KCNN2: variants seen among roughly 807,000 people sequenced by gnomAD.
KCNN2 encodes potassium calcium-activated channel subfamily N member 2.
A neutral mutation model predicts 55.5 loss-of-function variants in KCNN2; 24 were observed. The observed-to-expected ratio is 0.43, with a 90% CI of 0.31 to 0.61. KCNN2 has a LOEUF of 0.61. Among genes scored for constraint, KCNN2 ranks in the 20% least tolerant of loss-of-function variants. KCNN2 has a pLI of 0.08. For missense variants in KCNN2, 754 were observed against 853.6 expected, an observed-to-expected ratio of 0.88 and a Z score of 1.45; for synonymous variants, 431 against 336.1, an observed-to-expected ratio of 1.28 and a Z score of -3.09.
At chr5:114,309,320 A>T (rs1349389286) in intron 2 of KCNN2, among the ~76,000 whole-genome samples, 2 of 152,194 alleles carry the variant, frequency 1.3e-5, no homozygotes, top group African/African-American at 4.8e-5. Context: ...TATCAAGGCC[A>T]ATTCCAGCAT....
At chr5:114,101,596 C>G (rs533302257) in intron 1 of KCNN2, among the ~76,000 whole-genome samples, 2 of 151,818 alleles carry the variant, frequency 1.3e-5, no homozygotes, top group Admixed American at 6.6e-5. Context: ...ACCCCCACCC[C>G]CTAACAGGTC....
intron 1 of KCNN2, among the ~76,000 whole-genome samples, chr5:114,157,849 G>T (rs1325168404): frequency 3.2e-4 from 48 of 150,066 alleles, no homozygotes; most frequent in East Asian, 1.6e-3. Flanking sequence ...TTTTTGATGG[G>T]GTTTTTTTTT....
chr5:114,165,799 T>C (rs980461159), intron 1 of KCNN2, among the ~76,000 whole-genome samples: 9 of 152,166 alleles, frequency 5.9e-5, no homozygotes, highest in Non-Finnish European at 1.2e-4. Context: ...TTTATGGCAT[T>C]GGTACGCCTT....
chr5:114,386,423 A>C (rs1758289857), intron 2 of KCNN2, among the ~76,000 whole-genome samples: 1 of 152,134 alleles, frequency 6.6e-6, no homozygotes, highest in Admixed American at 6.5e-5. Flanking sequence ...AATTTGATTG[A>C]GTTCTTATTT....
chr5:114,389,510 A>C (rs1758397057), intron 2 of KCNN2, among the ~76,000 whole-genome samples: 1 of 152,126 alleles, frequency 6.6e-6, no homozygotes, highest in Non-Finnish European at 1.5e-5. Context: ...CACCTTCTAG[A>C]ATTGCTTCAT....
At chr5:114,494,229 G>C (rs1396013819) in intron 7 of KCNN2, among the ~76,000 whole-genome samples, 1 of 147,928 alleles carries the variant, frequency 6.8e-6, no homozygotes, top group African/African-American at 2.5e-5. Flanking sequence ...TGCTTTGAAA[G>C]AGGCAACTCT....
chr5:114,159,960 G>C (rs1310909573), intron 1 of KCNN2, among the ~76,000 whole-genome samples: 5 of 151,986 alleles, frequency 3.3e-5, no homozygotes, highest in Non-Finnish European at 5.9e-5. Context: ...ACCAGCTCCT[G>C]GATTCATTGA....
chr5:114,417,145 G>C (rs1298911893), intron 3 of KCNN2, among the ~76,000 whole-genome samples: 5 of 152,098 alleles, frequency 3.3e-5, no homozygotes, highest in African/African-American at 1.2e-4. Context: ...TTTTAATCTG[G>C]TTTAAATATT....
chr5:114,172,250 C>T (rs1476332775), intron 1 of KCNN2, among the ~76,000 whole-genome samples: 1 of 151,874 alleles, frequency 6.6e-6, no homozygotes, highest in African/African-American at 2.4e-5. Context: ...TTATTATGGG[C>T]AAAGTATCAT....
intron 2 of KCNN2, among the ~76,000 whole-genome samples, chr5:114,344,566 G>A (rs1407344475): frequency 6.6e-6 from 1 of 152,168 alleles, no homozygotes; most frequent in Non-Finnish European, 1.5e-5. Flanking sequence ...CCATGTGACT[G>A]AACTCAGTCT....
At chr5:114,161,591 G>C (rs562346965) in intron 1 of KCNN2, among the ~76,000 whole-genome samples, 36 of 152,336 alleles carry the variant, frequency 2.4e-4, no homozygotes, top group African/African-American at 8.4e-4. Context: ...ATATCCTGCA[G>C]AGTGTTTTCC....
chr5:114,237,989 C>T (rs1754538646), intron 2 of KCNN2, among the ~76,000 whole-genome samples: 1 of 152,178 alleles, frequency 6.6e-6, no homozygotes, highest in South Asian at 2.1e-4. Flanking sequence ...CACTTGAGCT[C>T]ACAGCCCATT....
chr5:114,485,263 C>G (rs991227575), intron 5 of KCNN2, among the ~76,000 whole-genome samples: 1 of 152,060 alleles, frequency 6.6e-6, no homozygotes, highest in Admixed American at 6.6e-5. Flanking sequence ...TCTATGCCTT[C>G]GACTGGTAAA....
chr5:114,304,790 A>G (rs1756234478), intron 2 of KCNN2, among the ~76,000 whole-genome samples: 1 of 152,212 alleles, frequency 6.6e-6, no homozygotes, highest in African/African-American at 2.4e-5. Context: ...AAGTCTTCAG[A>G]AAGATAGGTC....
intron 1 of KCNN2, among the ~76,000 whole-genome samples, chr5:114,090,383 G>A (rs1751113143): frequency 6.6e-6 from 1 of 152,040 alleles, no homozygotes; most frequent in Non-Finnish European, 1.5e-5. Context: ...AAACCTAGGA[G>A]GAAAAGTGGT....
At chr5:114,238,414 T>C (rs143263689) in intron 2 of KCNN2, among the ~76,000 whole-genome samples, 4,529 of 152,092 alleles carry the variant, frequency 0.03, 225 homozygotes, top group African/African-American at 0.1. Flanking sequence ...TTGTCTGAGC[T>C]CAGGAGTTCA....
At chr5:114,116,597 A>C (rs962328257) in intron 1 of KCNN2, among the ~76,000 whole-genome samples, 1 of 152,200 alleles carries the variant, frequency 6.6e-6, no homozygotes, top group Non-Finnish European at 1.5e-5. Context: ...GAGGCAGTTT[A>C]GTAATATCCA....
chr5:114,469,057 G>C (rs959795208), intron 4 of KCNN2, among the ~76,000 whole-genome samples: 1 of 152,150 alleles, frequency 6.6e-6, no homozygotes, highest in African/African-American at 2.4e-5. Flanking sequence ...AGAATACAGT[G>C]GAGAAAAACA....
chr5:114,161,834 C>G lies in KCNN2; in HGVS notation c.-270-59646C>G, dbSNP rs193229354. Among the ~76,000 whole-genome samples the G allele has an allele frequency of 1.9e-4, 29 of 152,314 alleles. No individual in the cohort carries two copies. In the East Asian group the frequency reaches 5.2e-3, roughly 27 times the overall value. Reference sequence around the variant, plus strand: ...GTGCATTCGTCACGTGGTTCTCATGCCATGGTTTTCAGCTCCATCAGGTCC... The same window carrying G: ...GTGCATTCGTCACGTGGTTCTCATGGCATGGTTTTCAGCTCCATCAGGTCC... On this transcript the variant is annotated intron_variant, in intron 1 of 10. Transcript: ENST00000512097.
Sources: allele counts gnomAD v4.1 joint callset (sites outside exome capture counted in the v4.1 genomes callset), GRCh38; gene constraint gnomAD v4.1.1; transcripts MANE v1.5; gene names NCBI Gene and HGNC (gene_info 2026-07-23, HGNC 2026-07-21).